The following SENP7 variants were observed in gnomAD, a reference collection of about 807,000 sequenced individuals.
SENP7 encodes the protein sentrin-specific protease 7.
A neutral mutation model predicts 141.2 loss-of-function variants in SENP7; 64 were observed. The observed-to-expected ratio is 0.45, with a 90% CI of 0.37 to 0.56. SENP7 has a LOEUF of 0.56. Ranked by LOEUF, SENP7 falls within the 20% of genes least tolerant of loss-of-function variation. SENP7 has a pLI of 0.00. For synonymous variants in SENP7, 382 were observed against 426.4 expected, an observed-to-expected ratio of 0.90 and a Z score of 1.28; for missense variants, 1,025 against 1,212.2, an observed-to-expected ratio of 0.85 and a Z score of 2.29.
rs151144794 is a variant in SENP7 at position 101,397,598 on chromosome 3, C to T, written c.677+1263G>A. Among the ~76,000 whole-genome samples the T allele has an allele frequency of 3.6e-3, 549 of 152,072 alleles. 7 individuals carry two copies. Among genetic ancestry groups the T allele is most frequent in the African/African-American group, 0.012 (501 of 41,464 alleles). On this transcript the variant is annotated intron_variant, in intron 6 of 23. Transcript: ENST00000394095. ...TCGTTACTGATTCACTAAGTAGAAC[C>T]TAGGTGAAAATATTTTCCAAAAGAA...
chr3:101,453,783 G>T (rs2063246803), intron 4 of SENP7, among the ~76,000 whole-genome samples: 1 of 151,888 alleles, frequency 6.6e-6, no homozygotes, highest in Admixed American at 6.6e-5. Flanking sequence ...GAGTTAATGG[G>T]TGCAGCACAC....
rs199926128 is a variant in SENP7, at chr3:101,361,691, G to C, written c.1623+24C>G. 3.1e-5 allele frequency: 46 copies of C among 1,503,180 alleles called. No individual in the cohort carries two copies. In the African/African-American group the frequency reaches 6.3e-4, roughly 21 times the overall value. 93.1% of individuals were successfully genotyped at this position (1,503,180 alleles called of 1,614,324 possible). A position where few individuals can be genotyped will look rare whatever the true frequency, so the allele number is the denominator to read the frequency against. On this transcript the variant is annotated intron_variant, in intron 11 of 23. Transcript: ENST00000394095. ...GCCTTGTCCAAGATCCAAACTAAAA[G>C]AAAATTAAAGAAAATATACTTACTG...
At chr3:101,369,722 A>G (rs1019522259) in intron 7 of SENP7, among the ~76,000 whole-genome samples, 1 of 152,194 alleles carries the variant, frequency 6.6e-6, no homozygotes, top group Non-Finnish European at 1.5e-5. Flanking sequence ...ACTTGATTAT[A>G]CAGGAGTTTT....
intron 17 of SENP7, among the ~76,000 whole-genome samples, chr3:101,336,827 G>A (rs1185432118): frequency 1.3e-5 from 2 of 152,112 alleles, no homozygotes; most frequent in African/African-American, 4.8e-5. Context: ...CACAGTTTTA[G>A]TATTAACCAA....
chr3:101,459,569 A>T (rs1020439775), intron 3 of SENP7, among the ~76,000 whole-genome samples: 1 of 152,194 alleles, frequency 6.6e-6, no homozygotes, highest in Non-Finnish European at 1.5e-5. Context: ...CAAATAAGTC[A>T]TTTATATTCT....
chr3:101,357,587 A>T (rs906949925), intron 11 of SENP7: 17 of 1,171,682 alleles, frequency 1.5e-5, no homozygotes, highest in South Asian at 2.9e-5. Context: ...TTTACAGTTT[A>T]AAAAAAGCTG....
chr3:101,326,784 T>G (rs561148526), intron 23 of SENP7, among the ~76,000 whole-genome samples: 127 of 152,276 alleles, frequency 8.3e-4, no homozygotes, highest in Non-Finnish European at 1.6e-3. Context: ...TGCCCTATTC[T>G]CTTTCTCTCC....
chr3:101,492,052 A>G (rs375140818), intron 3 of SENP7, among the ~76,000 whole-genome samples: 3 of 151,992 alleles, frequency 2.0e-5, no homozygotes, highest in African/African-American at 2.4e-5. Flanking sequence ...AGATCGCGAC[A>G]TTGCACTCCA....
intron 8 of SENP7, among the ~76,000 whole-genome samples, chr3:101,367,355 T>G (rs1479735523): frequency 1.3e-5 from 2 of 152,022 alleles, no homozygotes; most frequent in Non-Finnish European, 2.9e-5. Context: ...ATAGAAAATG[T>G]ATGTATTTAA....
Position 101,459,008 on chromosome 3 carries a change from T to G in SENP7, c.231A>C (p.Lys77Asn). The part of the protein sequence containing the change: ...LRNKVISLDH[K>N]NKKHIRGCPV... Reference sequence around the variant, plus strand: ...GACACCCTCGGATATGTTTTTTATTTTTATGGTCTAGAGAGATGACTTTAT... The same window carrying G: ...GACACCCTCGGATATGTTTTTTATTGTTATGGTCTAGAGAGATGACTTTAT... The change falls in exon 4 of 24, where the codon AAA (lysine) becomes AAC (asparagine). Residue 77 changes from lysine to asparagine, a missense_variant. Transcript: ENST00000394095. 1 of 1,610,360 alleles carries G rather than the reference T, an allele frequency of 6.2e-7. No homozygotes were observed. The highest frequency in any genetic ancestry group is 8.5e-7 in the Non-Finnish European group (1 of 1,177,528).
intron 6 of SENP7, among the ~76,000 whole-genome samples, chr3:101,398,153 G>A (rs1357959012): frequency 1.3e-5 from 2 of 152,164 alleles, no homozygotes; most frequent in Admixed American, 6.6e-5. Flanking sequence ...AAATTCTAGA[G>A]TCTGAATATA....
At chr3:101,505,473 T>C (rs142016816) in intron 1 of SENP7, among the ~76,000 whole-genome samples, 90 of 152,302 alleles carry the variant, frequency 5.9e-4, no homozygotes, top group African/African-American at 1.9e-3. Flanking sequence ...TGTTCCCCTA[T>C]TTCCTTTCAT....
chr3:101,440,576 T>TA (rs2062626746), intron 4 of SENP7, among the ~76,000 whole-genome samples: 1 of 101,468 alleles, frequency 9.9e-6, no homozygotes, highest in Non-Finnish European at 2.0e-5. Flanking sequence ...AATAAAAAAA[T>TA]AAATTAAAAA....
At chr3:101,385,128 A>C (rs183728540) in intron 6 of SENP7, among the ~76,000 whole-genome samples, 3 of 152,314 alleles carry the variant, frequency 2.0e-5, no homozygotes, top group Non-Finnish European at 2.9e-5. Flanking sequence ...ACTAGAATAA[A>C]TATATGGAGA....
chr3:101,409,717 A>G (rs2061401170), intron 5 of SENP7, among the ~76,000 whole-genome samples: 1 of 152,230 alleles, frequency 6.6e-6, no homozygotes, highest in African/African-American at 2.4e-5. Context: ...TGGTGCTGGG[A>G]TAATTGGCTA....
chr3:101,334,512 T>C (rs1004816262), intron 17 of SENP7, among the ~76,000 whole-genome samples: 3 of 152,136 alleles, frequency 2.0e-5, no homozygotes, highest in African/African-American at 7.2e-5. Flanking sequence ...GAATAATATC[T>C]AGCCAAAACT....
chr3:101,370,803 T>A (rs1371666392), intron 7 of SENP7, among the ~76,000 whole-genome samples: 1 of 152,214 alleles, frequency 6.6e-6, no homozygotes, highest in Non-Finnish European at 1.5e-5. Context: ...AAAGACTGCC[T>A]TTATAAGAGT....
At chr3:101,464,735 T>C (rs2063703906) in intron 3 of SENP7, among the ~76,000 whole-genome samples, 1 of 152,100 alleles carries the variant, frequency 6.6e-6, no homozygotes, top group Non-Finnish European at 1.5e-5. Flanking sequence ...GCTTGAATCA[T>C]TCCAAAACCA....
intron 4 of SENP7, among the ~76,000 whole-genome samples, chr3:101,448,621 G>A (rs2062991269): frequency 6.6e-6 from 1 of 152,128 alleles, no homozygotes; most frequent in Non-Finnish European, 1.5e-5. Flanking sequence ...CCTATTGTGG[G>A]GTGCCTCCCA....
Sources: allele counts gnomAD v4.1 joint callset (sites outside exome capture counted in the v4.1 genomes callset), GRCh38; gene constraint gnomAD v4.1.1; transcripts MANE v1.5; gene names NCBI Gene and HGNC (gene_info 2026-07-23, HGNC 2026-07-21).